The following FHL2 variants were observed in gnomAD, a reference collection of about 807,000 sequenced individuals.
FHL2 encodes four and a half LIM domains 2.
In FHL2, 20 loss-of-function variants were observed where a neutral mutation model predicts 32.7. The ratio of observed to expected loss-of-function variants is 0.61; its 90% CI spans 0.43 to 0.89. FHL2 has a LOEUF of 0.89. FHL2 is among the 40% of genes least tolerant of loss of function. The pLI is 0.00. For synonymous variants in FHL2, 123 were observed against 128.1 expected (o/e 0.96, Z 0.27); for missense variants, 311 against 358.6 (o/e 0.87, Z 1.07).
rs112301097 is a variant in FHL2, at chr2:105,387,854, C to T, written c.-24-1314G>A. Among the ~76,000 whole-genome samples the T allele has an allele frequency of 5.5e-3, 830 of 152,252 alleles. 5 individuals are homozygous for T. Among genetic ancestry groups the T allele is most frequent in the Non-Finnish European group, 8.4e-3 (572 of 68,018 alleles). On this transcript the variant is annotated intron_variant, in intron 2 of 6. Transcript: ENST00000530340. ...ACAATACCGACAACATGGAATCAAC[C>T]TAAATGCCCAGCGATGACAGATTGG...
chr2:105,407,388 T>G, intron 1 of FHL2, among the ~76,000 whole-genome samples: 1 of 124,434 alleles, frequency 8.0e-6, no homozygotes, highest in Non-Finnish European at 1.7e-5. Context: ...CGAGACTCTG[T>G]CTCAAAAAAA....
chr2:105,398,925 GC>G lies in FHL2; in HGVS notation c.-160del. On this transcript the variant is annotated 5_prime_UTR_variant, in exon 1 of 7. Transcript: ENST00000530340. ...CCCACTTCCGAGCCCTGGTGGCTAA[GC>G]CCCTCGGCCTCCCTCCGGGGCGCAG... The G allele has an allele frequency of 6.5e-7, 1 of 1,538,814 alleles. No homozygotes were observed. Among genetic ancestry groups the G allele is most frequent in the East Asian group, 2.7e-5 (1 of 37,338 alleles).
At chr2:105,431,164 T>A (rs1224299947) in intron 1 of FHL2, among the ~76,000 whole-genome samples, 1 of 152,182 alleles carries the variant, frequency 6.6e-6, no homozygotes, top group East Asian at 1.9e-4. Context: ...GATCTCAAAT[T>A]AAATACATGA....
At chr2:105,405,996 T>C (rs1040090456) in intron 1 of FHL2, among the ~76,000 whole-genome samples, 1 of 152,250 alleles carries the variant, frequency 6.6e-6, no homozygotes, top group South Asian at 2.1e-4. Flanking sequence ...TGGCTAATTC[T>C]GCCCCATGGT....
chr2:105,392,442 A>C (rs370076194), intron 2 of FHL2, among the ~76,000 whole-genome samples: 1 of 152,146 alleles, frequency 6.6e-6, no homozygotes, highest in African/African-American at 2.4e-5. Flanking sequence ...ACTGCTCTCC[A>C]GCCTCAAGGA....
intron 1 of FHL2, among the ~76,000 whole-genome samples, chr2:105,436,702 ATATCT>A (rs1266278330): frequency 6.6e-6 from 1 of 152,180 alleles, no homozygotes; most frequent in Non-Finnish European, 1.5e-5. Context: ...TCAATCAAAG[ATATCT>A]TAGAATGAAT....
intron 1 of FHL2, among the ~76,000 whole-genome samples, chr2:105,397,342 T>C (rs1573373696): frequency 1.3e-5 from 2 of 152,234 alleles, no homozygotes; most frequent in East Asian, 1.9e-4. Context: ...CTATCAAATA[T>C]GTATACACTG....
At chr2:105,437,514 AC>A (rs1160615898) in intron 1 of FHL2, among the ~76,000 whole-genome samples, 1 of 152,258 alleles carries the variant, frequency 6.6e-6, no homozygotes, top group African/African-American at 2.4e-5. Flanking sequence ...TAGTAAACTT[AC>A]ATATAGCAAA....
chr2:105,393,375 C>CT (rs1383116634), intron 2 of FHL2, among the ~76,000 whole-genome samples: 2 of 152,182 alleles, frequency 1.3e-5, no homozygotes, highest in African/African-American at 2.4e-5. Flanking sequence ...AAGTCAGTCC[C>CT]TGTATCTTTA....
intron 1 of FHL2, 107 bp from the exon 2 acceptor site, chr2:105,396,804 C>G (rs550065013): frequency 1.0e-6 from 1 of 972,096 alleles, no homozygotes. Context: ...TGATCAAATT[C>G]TCATAATAAA....
chr2:105,418,650 T>C (rs747391852), intron 1 of FHL2, among the ~76,000 whole-genome samples: 2 of 152,188 alleles, frequency 1.3e-5, no homozygotes, highest in Non-Finnish European at 2.9e-5. Context: ...TTCAAGGATA[T>C]ATCTCTCTAT....
intron 1 of FHL2, among the ~76,000 whole-genome samples, chr2:105,431,595 A>G (rs1684433112): frequency 6.6e-6 from 1 of 152,166 alleles, no homozygotes; most frequent in Non-Finnish European, 1.5e-5. Context: ...ACAGAGAGAG[A>G]AGGAAGAGAT....
At chr2:105,425,488 G>A (rs1684234028) in intron 1 of FHL2, among the ~76,000 whole-genome samples, 1 of 151,946 alleles carries the variant, frequency 6.6e-6, no homozygotes, top group South Asian at 2.1e-4. Flanking sequence ...AAGGGTCTGT[G>A]CTGAGGTGGA....
intron 1 of FHL2, among the ~76,000 whole-genome samples, chr2:105,434,968 T>A (rs1406201423): frequency 1.3e-5 from 2 of 152,172 alleles, no homozygotes; most frequent in African/African-American, 4.8e-5. Flanking sequence ...TTGCATAGAA[T>A]TTTGCATTAC....
At chr2:105,404,676 T>G (rs1683572364) in intron 1 of FHL2, among the ~76,000 whole-genome samples, 1 of 152,218 alleles carries the variant, frequency 6.6e-6, no homozygotes, top group Non-Finnish European at 1.5e-5. Flanking sequence ...ACTTTGTTTC[T>G]CTGCCTGTCA....
At chr2:105,438,386 C>G in intron 1 of FHL2, 2 of 985,632 alleles carry the variant, frequency 2.0e-6, no homozygotes, top group Non-Finnish European at 2.4e-6. Context: ...ACAGGGGAAC[C>G]AGTGGCCCTT....
chr2:105,401,602 A>G (rs1285614980), upstream of FHL2, among the ~76,000 whole-genome samples: 1 of 151,878 alleles, frequency 6.6e-6, no homozygotes, highest in African/African-American at 2.4e-5. Context: ...TCATTGTAGA[A>G]TTGTTTGTAA....
chr2:105,411,542 T>G (rs372424777), intron 1 of FHL2, among the ~76,000 whole-genome samples: 59 of 127,996 alleles, frequency 4.6e-4, no homozygotes, highest in Admixed American at 1.3e-3. Context: ...CTTAGGGTTT[T>G]TTTTTTTTTT....
At chr2:105,432,817 G>A (rs765272989) in intron 1 of FHL2, among the ~76,000 whole-genome samples, 2 of 152,160 alleles carry the variant, frequency 1.3e-5, no homozygotes, top group Non-Finnish European at 2.9e-5. Flanking sequence ...TACTGATTGC[G>A]TCCAAAAAAT....
Sources: allele counts gnomAD v4.1 joint callset (sites outside exome capture counted in the v4.1 genomes callset), GRCh38; gene constraint gnomAD v4.1.1; transcripts MANE v1.5; gene names NCBI Gene and HGNC (gene_info 2026-07-23, HGNC 2026-07-21).